BMAL1: variants seen among roughly 807,000 people sequenced by gnomAD.
BMAL1 encodes the protein basic helix-loop-helix ARNT-like protein 1.
the BMAL1 span, chr11:13,376,597 A>C: frequency 1.3e-6 from 2 of 1,593,536 alleles, no homozygotes; most frequent in Non-Finnish European, 1.7e-6. Flanking sequence ...CACAGTTCTG[A>C]GCAGGCCTGA....
chr11:13,284,102 GTGTGTGTGTATATATA>G, the BMAL1 span, among the ~76,000 whole-genome samples: 75 of 93,118 alleles, frequency 8.1e-4, 4 homozygotes, highest in South Asian at 1.5e-3. Flanking sequence ...GTGTGTGTGT[GTGTGTGTGTATATATA>G]TGTGTGTGTG....
the BMAL1 span, among the ~76,000 whole-genome samples, chr11:13,323,727 G>T: frequency 5.3e-5 from 8 of 152,084 alleles, no homozygotes; most frequent in African/African-American, 1.9e-4. Context: ...AGAAATTCTC[G>T]TGCCTCAGCC....
the BMAL1 span, among the ~76,000 whole-genome samples, chr11:13,367,073 A>G: frequency 7.2e-5 from 11 of 152,196 alleles, no homozygotes. Context: ...CAGAATCTAG[A>G]AAATCCCAGT....
the BMAL1 span, among the ~76,000 whole-genome samples, chr11:13,289,137 G>A: frequency 6.6e-6 from 1 of 152,216 alleles, no homozygotes; most frequent in African/African-American, 2.4e-5. Flanking sequence ...CCTTTTCAGT[G>A]TATGTGTGAT....
the BMAL1 span, among the ~76,000 whole-genome samples, chr11:13,363,880 A>G: frequency 1.3e-5 from 2 of 152,106 alleles, no homozygotes; most frequent in East Asian, 1.9e-4. Context: ...TCCTTCACAG[A>G]TGGTCTGCTG....
chr11:13,338,934 C>T, the BMAL1 span, among the ~76,000 whole-genome samples: 7 of 152,370 alleles, frequency 4.6e-5, no homozygotes, highest in African/African-American at 1.4e-4. Flanking sequence ...CCTCCACTCA[C>T]AGCAACAGGG....
At chr11:13,315,178 C>T in the BMAL1 span, among the ~76,000 whole-genome samples, 1 of 152,206 alleles carries the variant, frequency 6.6e-6, no homozygotes, top group African/African-American at 2.4e-5. Context: ...AACTGCTTTC[C>T]TGGGATGGAA....
the BMAL1 span, among the ~76,000 whole-genome samples, chr11:13,288,714 C>T: frequency 6.6e-6 from 1 of 152,092 alleles, no homozygotes; most frequent in Non-Finnish European, 1.5e-5. Flanking sequence ...CTAAATGCAG[C>T]AGAGACCTGA....
chr11:13,339,021 G>GTGGA, the BMAL1 span, among the ~76,000 whole-genome samples: 1 of 152,230 alleles, frequency 6.6e-6, no homozygotes, highest in Non-Finnish European at 1.5e-5. Flanking sequence ...CCCTGGATGG[G>GTGGA]TGGATGGTGT....
the BMAL1 span, chr11:13,356,597 A>G: frequency 1.1e-6 from 1 of 912,964 alleles, no homozygotes; most frequent in African/African-American, 1.7e-5. Context: ...TACCCTTATT[A>G]TACATCATTA....
chr11:13,354,094 A>G, the BMAL1 span, among the ~76,000 whole-genome samples: 1 of 152,122 alleles, frequency 6.6e-6, no homozygotes, highest in African/African-American at 2.4e-5. Context: ...AAAACTCTTA[A>G]AATAAATATG....
At chr11:13,307,540 A>T in the BMAL1 span, among the ~76,000 whole-genome samples, 2 of 152,186 alleles carry the variant, frequency 1.3e-5, no homozygotes, top group Non-Finnish European at 2.9e-5. Flanking sequence ...CTTATGGAGG[A>T]TTCCCCACTG....
chr11:13,289,863 A>G, the BMAL1 span, among the ~76,000 whole-genome samples: 1 of 152,228 alleles, frequency 6.6e-6, no homozygotes, highest in Non-Finnish European at 1.5e-5. Context: ...GTGTCTTTAT[A>G]GTAGCATGAT....
At chr11:13,294,771 T>C in the BMAL1 span, among the ~76,000 whole-genome samples, 1 of 152,234 alleles carries the variant, frequency 6.6e-6, no homozygotes, top group Admixed American at 6.5e-5. Flanking sequence ...TGTACTCATA[T>C]GTACCTCAGG....
At chr11:13,374,231 T>C in the BMAL1 span, 14 of 1,590,722 alleles carry the variant, frequency 8.8e-6, no homozygotes, top group Non-Finnish European at 1.1e-5. Context: ...AGATCTTAAG[T>C]TGAAAGTGTC....
chr11:13,308,352 T>TC, the BMAL1 span, among the ~76,000 whole-genome samples: 1 of 152,064 alleles, frequency 6.6e-6, no homozygotes, highest in Non-Finnish European at 1.5e-5. Flanking sequence ...GATGTACTGG[T>TC]CAGGAGTTCA....
chr11:13,312,871 A>G, the BMAL1 span, among the ~76,000 whole-genome samples: 1 of 152,208 alleles, frequency 6.6e-6, no homozygotes, highest in Admixed American at 6.5e-5. Flanking sequence ...ATAGAGGTGA[A>G]ACAGGACAAG....
chr11:13,347,396 G>A, the BMAL1 span, among the ~76,000 whole-genome samples: 3 of 151,788 alleles, frequency 2.0e-5, no homozygotes, highest in African/African-American at 7.3e-5. Context: ...AAATAAAAAA[G>A]GCTTTTTGAT....
At chr11:13,284,262 A>T in the BMAL1 span, among the ~76,000 whole-genome samples, 225 of 64,456 alleles carry the variant, frequency 3.5e-3, 22 homozygotes, top group East Asian at 0.012. Flanking sequence ...ATATATATAT[A>T]TATATTTTTT....
Sources: allele counts gnomAD v4.1 joint callset (sites outside exome capture counted in the v4.1 genomes callset), GRCh38; gene constraint gnomAD v4.1.1; transcripts MANE v1.5; gene names NCBI Gene and HGNC (gene_info 2026-07-23, HGNC 2026-07-21).